The following TNFRSF10D variants were observed in gnomAD, a reference collection of about 807,000 sequenced individuals.
The protein encoded by TNFRSF10D is tumor necrosis factor receptor superfamily member 10D.
In TNFRSF10D, 28 loss-of-function variants were observed where a neutral mutation model predicts 42.1. That is an observed-to-expected ratio of 0.66 (90% CI 0.49 to 0.91). TNFRSF10D has a LOEUF of 0.91. Among genes scored for constraint, TNFRSF10D ranks in the 40% least tolerant of loss-of-function variants. The pLI is 0.00. For synonymous variants in TNFRSF10D, 186 were observed against 189.4 expected (o/e 0.98, Z 0.15); for missense variants, 503 against 486.1 (o/e 1.03, Z -0.33).
intron 1 of TNFRSF10D, among the ~76,000 whole-genome samples, chr8:23,162,729 G>GGTCC (rs947194770): frequency 6.6e-6 from 1 of 152,182 alleles, no homozygotes; most frequent in Non-Finnish European, 1.5e-5. Context: ...GGGATACAGA[G>GGTCC]GGGACACACG....
At chr8:23,141,972 T>C (rs1022173080) in intron 7 of TNFRSF10D, among the ~76,000 whole-genome samples, 15 of 152,178 alleles carry the variant, frequency 9.9e-5, no homozygotes, top group Admixed American at 4.6e-4. Flanking sequence ...TGGGTATACA[T>C]AGAAAAGAAA....
At chr8:23,149,107 G>A (rs532951522) in intron 2 of TNFRSF10D, among the ~76,000 whole-genome samples, 84 of 144,542 alleles carry the variant, frequency 5.8e-4, no homozygotes, top group Admixed American at 4.8e-3. Flanking sequence ...GGAGAATGGC[G>A]TGAACCCGGG....
At chr8:23,160,088 G>T (rs1237003731) in intron 1 of TNFRSF10D, among the ~76,000 whole-genome samples, 1 of 152,096 alleles carries the variant, frequency 6.6e-6, no homozygotes, top group Non-Finnish European at 1.5e-5. Context: ...ATGGTGGTGA[G>T]ATATCAGGCC....
intron 2 of TNFRSF10D, among the ~76,000 whole-genome samples, chr8:23,148,959 G>GGTGT (rs1800169638): frequency 6.6e-6 from 1 of 151,642 alleles, no homozygotes; most frequent in South Asian, 2.1e-4. Context: ...GGGAGGCCAA[G>GGTGT]GCGGACGAAT....
In TNFRSF10D at chr8:23,145,710, A is replaced by G. The variant is rs746975246; in HGVS notation, c.694T>C (p.Cys232Arg). Residue 232 changes from cysteine (C) to arginine (R), a missense_variant, in exon 5 of 9, where the codon TGT (cysteine) becomes CGT (arginine). Cys to Arg is a radical substitution (Grantham distance 180, BLOSUM62 -3). Transcript: ENST00000312584. ...ILAVVVVGFS[C>R]RKKFISYLKG... Reference sequence around the variant, plus strand: ...AGGTAAGAAATGAATTTCTTCCGACATGAAAAGCCAACCACAACCACAGCT... The same window carrying G: ...AGGTAAGAAATGAATTTCTTCCGACGTGAAAAGCCAACCACAACCACAGCT... The G allele has an allele frequency of 1.9e-6, 3 of 1,614,196 alleles. No homozygotes were observed. Among genetic ancestry groups the G allele is most frequent in the Non-Finnish European group, 2.5e-6 (3 of 1,180,024 alleles).
rs181539328 is a variant in TNFRSF10D, at chr8:23,141,248, T to C, written c.955-2988A>G. Among the ~76,000 whole-genome samples the C allele has an allele frequency of 8.0e-4, 122 of 152,264 alleles. 1 individual carries two copies. Among genetic ancestry groups the C allele is most frequent in the African/African-American group, 2.8e-3 (118 of 41,554 alleles). ...GGCCGGGTGTGGGGGCTCACACTTATAATACCAGCACTTTGAGAGGACGAG... is the reference window on the plus strand; with the variant it reads ...GGCCGGGTGTGGGGGCTCACACTTACAATACCAGCACTTTGAGAGGACGAG... On this transcript the variant is annotated intron_variant, in intron 7 of 8. Coordinates refer to ENST00000312584, the MANE Select transcript of TNFRSF10D (RefSeq NM_003840.5).
Position 23,135,706 on chromosome 8 carries a change from C to T in TNFRSF10D, c.*2164G>A, listed in dbSNP as rs1165556404. On this transcript the variant is annotated 3_prime_UTR_variant, in exon 9 of 9. Coordinates refer to ENST00000312584, the MANE Select transcript of TNFRSF10D (RefSeq NM_003840.5). The stretch of plus-strand genomic sequence containing the variant: ...AGCAAAACCTAAACAAATCAACCAA[C>T]GCCAAAAAACCCCAACAATTTCATG... 12 of 291,750 alleles carry T rather than the reference C, an allele frequency of 4.1e-5. 2 individuals are homozygous for T. Among genetic ancestry groups the T allele is most frequent in the South Asian group, 2.7e-4 (8 of 29,790 alleles). The allele number at this position is 291,750 out of a possible 1,614,324, so 18.1% of individuals were successfully genotyped here. A position where few individuals can be genotyped will look rare whatever the true frequency, so the allele number is the denominator to read the frequency against.
chr8:23,138,968 T>C (rs140775816), intron 7 of TNFRSF10D, among the ~76,000 whole-genome samples: 759 of 151,886 alleles, frequency 5.0e-3, no homozygotes, highest in African/African-American at 0.016. Flanking sequence ...CACAGCTGAA[T>C]ATTGTTCTGA....
intron 7 of TNFRSF10D, among the ~76,000 whole-genome samples, chr8:23,142,918 G>A (rs904921342): frequency 6.6e-6 from 1 of 152,154 alleles, no homozygotes; most frequent in Non-Finnish European, 1.5e-5. Context: ...AAGAAGGGCT[G>A]GGGGCTGGAG....
intron 1 of TNFRSF10D, among the ~76,000 whole-genome samples, chr8:23,160,657 G>C (rs191390072): frequency 8.3e-4 from 126 of 151,870 alleles, no homozygotes; most frequent in African/African-American, 2.9e-3. Flanking sequence ...GCACAGGCTC[G>C]GGGCATGGCA....
chr8:23,163,059 C>G (rs950940502), intron 1 of TNFRSF10D, among the ~76,000 whole-genome samples: 1 of 142,850 alleles, frequency 7.0e-6, no homozygotes, highest in Non-Finnish European at 1.5e-5. Context: ...GTAGCTGGGA[C>G]TACAGGCGCA....
At chr8:23,140,119 C>G (rs1225109560) in intron 7 of TNFRSF10D, among the ~76,000 whole-genome samples, 2 of 152,114 alleles carry the variant, frequency 1.3e-5, no homozygotes, top group East Asian at 1.9e-4. Context: ...GAAACCCCAC[C>G]TCTACTAAAA....
chr8:23,150,300 T>C (rs115393643), intron 2 of TNFRSF10D, among the ~76,000 whole-genome samples: 796 of 151,966 alleles, frequency 5.2e-3, no homozygotes, highest in African/African-American at 0.016. Context: ...AGTTCAGCCC[T>C]CATGGAGCCA....
chr8:23,159,969 C>CCCTCTATG (rs1800342066), intron 1 of TNFRSF10D, among the ~76,000 whole-genome samples: 1 of 151,650 alleles, frequency 6.6e-6, no homozygotes, highest in East Asian at 1.9e-4. Flanking sequence ...AGCTTCGCTT[C>CCCTCTATG]CCTCTATGAC....
At position 23,163,911 on chromosome 8, in the gene TNFRSF10D, G is replaced by A. The variant is rs1461588219; in HGVS notation, c.25C>T (p.Pro9Ser). The A allele has an allele frequency of 1.9e-6, 3 of 1,584,358 alleles. No individual in the cohort carries two copies. The highest frequency in any genetic ancestry group is 2.4e-5 in the East Asian group (1 of 42,184). The change falls in exon 1 of 9, where the codon CCG becomes TCG. Residue 9 changes from proline to serine, a missense_variant. By Grantham distance (74) the Pro-to-Ser change is moderately conservative. Coordinates refer to ENST00000312584, the MANE Select transcript of TNFRSF10D (RefSeq NM_003840.5). ...CCTGCTCGAGCGCTCGAGGCGGTCGGGACGCTTTGTCCCCAAAGTCCCATG... is the reference window on the plus strand; with the variant it reads ...CCTGCTCGAGCGCTCGAGGCGGTCGAGACGCTTTGTCCCCAAAGTCCCATG... Reference protein sequence around the residue: MGLWGQSVPTASSARAGRY... With the variant: MGLWGQSVSTASSARAGRY...
At chr8:23,149,169 G>A (rs1238440694) in intron 2 of TNFRSF10D, among the ~76,000 whole-genome samples, 17 of 116,678 alleles carry the variant, frequency 1.5e-4, no homozygotes, top group South Asian at 2.9e-4. Context: ...CAGCCTGGGC[G>A]ACAGAGCAAG....
At chr8:23,159,107 G>C (rs1459193515) in intron 1 of TNFRSF10D, among the ~76,000 whole-genome samples, 1 of 151,708 alleles carries the variant, frequency 6.6e-6, no homozygotes, top group Non-Finnish European at 1.5e-5. Context: ...GTGTGTGTGT[G>C]TCTGTGTCTG....
intron 1 of TNFRSF10D, among the ~76,000 whole-genome samples, chr8:23,163,361 C>T (rs1378083483): frequency 6.6e-6 from 1 of 152,186 alleles, no homozygotes; most frequent in African/African-American, 2.4e-5. Flanking sequence ...CCTCGGCCTC[C>T]CAACGTGCTG....
Position 23,163,788 on chromosome 8 carries a change from G to A in TNFRSF10D, c.148C>T (p.Pro50Ser). 1.9e-6 allele frequency: 3 copies of A among 1,608,880 alleles called. No homozygotes were observed. Among genetic ancestry groups the A allele is most frequent in the South Asian group, 1.1e-5 (1 of 90,026 alleles). The change falls in exon 1 of 9, where the codon CCG becomes TCG. Residue 50 changes from proline to serine, a missense_variant and splice_region_variant. Physicochemically the swap from Pro to Ser is moderately conservative, Grantham distance 74. Transcript: ENST00000312584. ...CAGGGACCGCGGCGGAGACTCACCG[G>A]CAGCAGAACCGCGACGATGAAGACG... ...FVVFIVAVLL[P>S]VRVDSATIPR... is the part of the protein sequence containing the mutation.
Sources: allele counts gnomAD v4.1 joint callset (sites outside exome capture counted in the v4.1 genomes callset), GRCh38; gene constraint gnomAD v4.1.1; transcripts MANE v1.5; gene names NCBI Gene and HGNC (gene_info 2026-07-23, HGNC 2026-07-21).